The following XYLT1 variants were observed in gnomAD, a reference collection of about 807,000 sequenced individuals.
XYLT1 encodes the protein xylosyltransferase 1.
XYLT1 carries 36 observed loss-of-function variants against 91.3 expected under a neutral mutation model. The observed-to-expected ratio is 0.39, with a 90% CI of 0.30 to 0.52. XYLT1 has a LOEUF of 0.52. XYLT1 is among the 20% of genes least tolerant of loss of function. The pLI, the probability that XYLT1 is intolerant of heterozygous loss-of-function variation, is 0.68. For synonymous variants in XYLT1, 588 were observed against 532.0 expected, an observed-to-expected ratio of 1.11 and a Z score of -1.45; for missense variants, 1,242 against 1,284.5, an observed-to-expected ratio of 0.97 and a Z score of 0.51.
chr16:17,263,308 A>G (rs2033750872), intron 2 of XYLT1, among the ~76,000 whole-genome samples: 1 of 152,054 alleles, frequency 6.6e-6, no homozygotes, highest in Non-Finnish European at 1.5e-5. Context: ...AGCTAATCTG[A>G]CAATCAGAGA....
At chr16:17,163,923 C>T (rs1020005568) in intron 5 of XYLT1, among the ~76,000 whole-genome samples, 25 of 151,322 alleles carry the variant, frequency 1.7e-4, no homozygotes, top group African/African-American at 5.8e-4. Context: ...GTGGCATGCG[C>T]CTGTGATCCC....
At chr16:17,242,512 A>T (rs1227706887) in intron 3 of XYLT1, among the ~76,000 whole-genome samples, 1 of 152,200 alleles carries the variant, frequency 6.6e-6, no homozygotes, top group Non-Finnish European at 1.5e-5. Context: ...CTCACTCTGC[A>T]GGAGAATTGT....
intron 1 of XYLT1, among the ~76,000 whole-genome samples, chr16:17,415,461 G>A (rs535856316): frequency 1.7e-3 from 255 of 152,246 alleles, no homozygotes; most frequent in African/African-American, 5.1e-3. Flanking sequence ...AGGCCGAGGC[G>A]GGCGGATTGC....
At chr16:17,420,094 G>C (rs1208769804) in intron 1 of XYLT1, among the ~76,000 whole-genome samples, 101 of 152,254 alleles carry the variant, frequency 6.6e-4, no homozygotes, top group Middle Eastern at 3.4e-3. Flanking sequence ...GTCTTTGTAG[G>C]ATCAAGCCTT....
At chr16:17,259,628 T>C (rs775007072) in intron 2 of XYLT1, 130 bp from the exon 3 acceptor site, 17 of 1,099,342 alleles carry the variant, frequency 1.5e-5, no homozygotes, top group Non-Finnish European at 2.1e-5. Context: ...CTTTTGCTAC[T>C]GGTTTAACCT....
rs1177801593 is a variant in XYLT1 at position 17,470,736 on chromosome 16, C to A, written c.61G>T (p.Ala21Ser). ...GTCTGCAGCAGCAGCACCGTGAGCG[C>A]CGCGAGCAGCGCCGAGTGCGAGCGC... ...ARRSHSALLAALTVLLLQTLV... is the reference protein window; with the variant it reads ...ARRSHSALLASLTVLLLQTLV... The change falls in exon 1 of 12, where the codon GCG (alanine) becomes TCG (serine). Residue 21 changes from alanine to serine, a missense_variant. By Grantham distance (99) the Ala-to-Ser change is moderately conservative. Around this residue, in one of 3 missense-constraint regions of XYLT1, gnomAD observed 437 missense variants for 411.5 expected, o/e 1.06. Transcript: ENST00000261381. The A allele has an allele frequency of 8.8e-7, 1 of 1,141,946 alleles. No homozygotes were observed. Among genetic ancestry groups the A allele is most frequent in the South Asian group, 1.9e-5 (1 of 53,168 alleles). 70.7% of individuals were successfully genotyped at this position (1,141,946 alleles called of 1,614,324 possible).
chr16:17,311,103 C>G (rs751203424), intron 2 of XYLT1, among the ~76,000 whole-genome samples: 1 of 152,160 alleles, frequency 6.6e-6, no homozygotes, highest in Admixed American at 6.5e-5. Flanking sequence ...AGGATAATCA[C>G]CTGCTGCAAA....
intron 3 of XYLT1, chr16:17,251,473 T>C (rs1162439682): frequency 6.6e-6 from 1 of 152,222 alleles, no homozygotes; most frequent in South Asian, 2.1e-4. Context: ...ATGTCTAGAC[T>C]GCAGACCCAC....
intron 1 of XYLT1, among the ~76,000 whole-genome samples, chr16:17,454,088 AG>A (rs1465104907): frequency 6.6e-6 from 1 of 152,248 alleles, no homozygotes; most frequent in African/African-American, 2.4e-5. Context: ...CTACTCTGAA[AG>A]GTAAGACTTC....
chr16:17,132,738 A>G (rs2030540575), intron 9 of XYLT1, among the ~76,000 whole-genome samples: 1 of 152,124 alleles, frequency 6.6e-6, no homozygotes, highest in African/African-American at 2.4e-5. Flanking sequence ...TCCTGTCTCT[A>G]CTAAAAATAC....
chr16:17,355,783 C>T (rs948130184), intron 2 of XYLT1, among the ~76,000 whole-genome samples: 8 of 152,106 alleles, frequency 5.3e-5, no homozygotes, highest in African/African-American at 1.9e-4. Context: ...AATCTTGGCT[C>T]ACTGCAGCCT....
chr16:17,367,283 AC>A (rs1462021932), intron 1 of XYLT1, among the ~76,000 whole-genome samples: 4 of 152,234 alleles, frequency 2.6e-5, no homozygotes, highest in Admixed American at 6.5e-5. Context: ...GGCAGCCGTT[AC>A]CCGACATGGC....
At chr16:17,168,287 G>C (rs73520919) in intron 5 of XYLT1, among the ~76,000 whole-genome samples, 8,804 of 152,216 alleles carry the variant, frequency 0.058, 370 homozygotes, top group African/African-American at 0.11. Flanking sequence ...CATGTCCTTT[G>C]CTGCAATATG....
chr16:17,229,489 C>CGG (rs2033126570), intron 3 of XYLT1, among the ~76,000 whole-genome samples: 1 of 152,208 alleles, frequency 6.6e-6, no homozygotes, highest in Admixed American at 6.5e-5. Context: ...GGCTAGGCCC[C>CGG]AGCCTTATGG....
At chr16:17,303,589 A>G (rs1473100113) in intron 2 of XYLT1, among the ~76,000 whole-genome samples, 1 of 152,244 alleles carries the variant, frequency 6.6e-6, no homozygotes, top group East Asian at 1.9e-4. Flanking sequence ...GGGTTCTAGG[A>G]AAAGCTCTAA....
chr16:17,157,649 G>A (rs1412911975), intron 6 of XYLT1, among the ~76,000 whole-genome samples: 6 of 152,180 alleles, frequency 3.9e-5, no homozygotes, highest in Non-Finnish European at 5.9e-5. Context: ...AACCATGCAC[G>A]TTAACAAGCT....
intron 1 of XYLT1, among the ~76,000 whole-genome samples, chr16:17,467,650 A>T (rs190218177): frequency 6.6e-6 from 1 of 152,262 alleles, no homozygotes; most frequent in East Asian, 1.9e-4. Context: ...CAAAAATACA[A>T]TCAGGGCCTT....
At chr16:17,449,952 A>G (rs998301941) in intron 1 of XYLT1, among the ~76,000 whole-genome samples, 3 of 152,228 alleles carry the variant, frequency 2.0e-5, no homozygotes, top group Non-Finnish European at 4.4e-5. Flanking sequence ...CTGAGCACCT[A>G]TTGTGTGCCA....
chr16:17,295,769 G>A (rs2034300381), intron 2 of XYLT1, among the ~76,000 whole-genome samples: 1 of 152,148 alleles, frequency 6.6e-6, no homozygotes, highest in Non-Finnish European at 1.5e-5. Context: ...GCAACTAGTG[G>A]GTAGAGTCCA....
Sources: allele counts gnomAD v4.1 joint callset (sites outside exome capture counted in the v4.1 genomes callset), GRCh38; gene constraint gnomAD v4.1.1; regional missense constraint gnomAD v4.1.1; transcripts MANE v1.5; gene names NCBI Gene and HGNC (gene_info 2026-07-23, HGNC 2026-07-21).